The following CELF2 variants were observed in gnomAD, a reference collection of about 807,000 sequenced individuals.
CELF2 encodes CUGBP Elav-like family member 2, also known as CUG triplet repeat RNA-binding protein 2.
CELF2 carries 8 observed loss-of-function variants against 62.6 expected under a neutral mutation model. That is an observed-to-expected ratio of 0.13 (90% confidence interval 0.07 to 0.23). CELF2 has a LOEUF of 0.23. Ranked by LOEUF, CELF2 falls within the 10% of genes least tolerant of loss-of-function variation. CELF2 has a pLI of 1.00. For missense variants in CELF2, 333 were observed against 671.0 expected (o/e 0.50, Z 5.56); for synonymous variants, 258 against 250.0 (o/e 1.03, Z -0.30).
At chr10:10,600,259 G>C in the CELF2 span, among the ~76,000 whole-genome samples, 3 of 152,218 alleles carry the variant, frequency 2.0e-5, no homozygotes, top group Non-Finnish European at 2.9e-5. Flanking sequence ...TCATTGAAAA[G>C]AGATGTTTTC....
chr10:11,029,853 A>G (rs2059821758), intron 1 of CELF2, among the ~76,000 whole-genome samples: 1 of 152,246 alleles, frequency 6.6e-6, no homozygotes, highest in African/African-American at 2.4e-5. Context: ...GCAGACTTTC[A>G]GTTGGGCCAA....
the CELF2 span, among the ~76,000 whole-genome samples, chr10:10,486,008 T>C: frequency 6.6e-6 from 1 of 152,192 alleles, no homozygotes; most frequent in African/African-American, 2.4e-5. Flanking sequence ...AATGAGTTAA[T>C]TGCATGCATC....
At chr10:10,697,169 G>A in the CELF2 span, among the ~76,000 whole-genome samples, 1 of 152,142 alleles carries the variant, frequency 6.6e-6, no homozygotes, top group South Asian at 2.1e-4. Flanking sequence ...ACCTGAGTTT[G>A]GGGTATGTTG....
chr10:10,671,046 A>C, the CELF2 span, among the ~76,000 whole-genome samples: 3,404 of 151,962 alleles, frequency 0.022, 98 homozygotes, highest in South Asian at 0.076. Context: ...ATGTACCTGC[A>C]GGCCCAGTCA....
intron 2 of CELF2, among the ~76,000 whole-genome samples, chr10:11,215,444 T>C (rs545389502): frequency 6.6e-6 from 1 of 152,350 alleles, no homozygotes; most frequent in African/African-American, 2.4e-5. Flanking sequence ...GGCTGTGGCG[T>C]GGCCAAACTG....
chr10:10,677,960 A>T, the CELF2 span, among the ~76,000 whole-genome samples: 1 of 152,276 alleles, frequency 6.6e-6, no homozygotes, highest in African/African-American at 2.4e-5. Flanking sequence ...AATCTGGGTG[A>T]CTTTTGAAAG....
chr10:10,727,547 C>T, the CELF2 span, among the ~76,000 whole-genome samples: 97 of 152,052 alleles, frequency 6.4e-4, no homozygotes, highest in South Asian at 3.7e-3. Context: ...GAGGCCGAGG[C>T]GGGTGGATCA....
At chr10:10,508,970 G>A in the CELF2 span, among the ~76,000 whole-genome samples, 1 of 151,960 alleles carries the variant, frequency 6.6e-6, no homozygotes, top group Non-Finnish European at 1.5e-5. Context: ...CACTGCGCCC[G>A]GCCCAGATAT....
intron 9 of CELF2, among the ~76,000 whole-genome samples, chr10:11,307,483 C>A (rs1345283634): frequency 3.3e-5 from 5 of 152,184 alleles, no homozygotes; most frequent in Admixed American, 3.3e-4. Context: ...AAAATAGATC[C>A]TATATCATTT....
chr10:11,007,207 G>A (rs1396566882), intron 1 of CELF2, among the ~76,000 whole-genome samples: 3 of 152,052 alleles, frequency 2.0e-5, no homozygotes, highest in South Asian at 2.1e-4. Context: ...TGTTTTGAAG[G>A]GTAATTTTTC....
At chr10:11,084,596 T>G (rs2052189651) in intron 1 of CELF2, among the ~76,000 whole-genome samples, 1 of 152,176 alleles carries the variant, frequency 6.6e-6, no homozygotes, top group Non-Finnish European at 1.5e-5. Context: ...AATCATGCAC[T>G]TAAATTCACA....
the CELF2 span, among the ~76,000 whole-genome samples, chr10:10,674,581 T>G: frequency 6.6e-6 from 1 of 152,230 alleles, no homozygotes; most frequent in African/African-American, 2.4e-5. Context: ...TTTGTTGCTA[T>G]TGTTCTTTGT....
chr10:11,121,209 A>G (rs997236846), intron 1 of CELF2, among the ~76,000 whole-genome samples: 1 of 152,164 alleles, frequency 6.6e-6, no homozygotes, highest in African/African-American at 2.4e-5. Context: ...TTCTTCCTTG[A>G]TGGGTCCAAT....
At chr10:11,024,472 A>G (rs2058815435) in intron 1 of CELF2, among the ~76,000 whole-genome samples, 2 of 152,088 alleles carry the variant, frequency 1.3e-5, no homozygotes, top group Non-Finnish European at 2.9e-5. Flanking sequence ...GTGGTTTCGC[A>G]TGCCTCTAGT....
chr10:10,700,156 G>T, the CELF2 span, among the ~76,000 whole-genome samples: 4 of 152,144 alleles, frequency 2.6e-5, no homozygotes, highest in African/African-American at 9.7e-5. Flanking sequence ...ATTGCATCTC[G>T]ATATGGATAA....
At chr10:10,810,749 A>C (rs1292513736) in intron 1 of CELF2, among the ~76,000 whole-genome samples, 5 of 152,186 alleles carry the variant, frequency 3.3e-5, no homozygotes, top group Non-Finnish European at 5.9e-5. Flanking sequence ...TAAAGTTCCC[A>C]ATCATCGTTC....
chr10:10,628,769 A>G, the CELF2 span, among the ~76,000 whole-genome samples: 2 of 152,252 alleles, frequency 1.3e-5, no homozygotes, highest in African/African-American at 2.4e-5. Context: ...AACATGGCAC[A>G]TGTATACATA....
the CELF2 span, among the ~76,000 whole-genome samples, chr10:10,593,932 A>T: frequency 1.3e-5 from 2 of 152,196 alleles, no homozygotes; most frequent in Admixed American, 1.3e-4. Flanking sequence ...AGCATTACAT[A>T]TGGGGAGGCA....
At chr10:11,151,097 T>G (rs1281251680) in intron 1 of CELF2, among the ~76,000 whole-genome samples, 4 of 152,226 alleles carry the variant, frequency 2.6e-5, no homozygotes, top group African/African-American at 4.8e-5. Flanking sequence ...GCATGCTGTT[T>G]GTAGTCTGTT....
Sources: allele counts gnomAD v4.1 joint callset (sites outside exome capture counted in the v4.1 genomes callset), GRCh38; gene constraint gnomAD v4.1.1; transcripts MANE v1.5; gene names NCBI Gene and HGNC (gene_info 2026-07-23, HGNC 2026-07-21).